The following DNAH12 variants were observed in gnomAD, a reference collection of about 807,000 sequenced individuals.
DNAH12 encodes axonemal beta dynein heavy chain 12.
DNAH12 carries 285 observed loss-of-function variants against 371.5 expected under a neutral mutation model. The observed-to-expected ratio is 0.77, with a 90% CI of 0.70 to 0.85. The LOEUF (loss-of-function observed/expected upper bound fraction) is 0.85. DNAH12 is among the 40% of genes least tolerant of loss of function. The pLI is 0.00. For missense variants in DNAH12, 3,611 were observed against 3,689.4 expected, an observed-to-expected ratio of 0.98 and a Z score of 0.55; for synonymous variants, 1,200 against 1,213.0, an observed-to-expected ratio of 0.99 and a Z score of 0.22.
chr3:57,326,416 A>C (rs1301033534), intron 62 of DNAH12, among the ~76,000 whole-genome samples: 2 of 152,194 alleles, frequency 1.3e-5, no homozygotes, highest in Non-Finnish European at 2.9e-5. Context: ...AACATTCTTA[A>C]AGAAAAGAAT....
intron 61 of DNAH12, 73 bp from the exon 62 acceptor site, chr3:57,334,682 G>C: frequency 6.6e-7 from 1 of 1,508,664 alleles, no homozygotes; most frequent in Non-Finnish European, 8.8e-7. Context: ...ACAAGGAGTA[G>C]AAACCAGACA....
At position 57,494,710 on chromosome 3, in the gene DNAH12, G is replaced by A. The variant is rs149214123; in HGVS notation, c.1336-5023C>T. Among the ~76,000 whole-genome samples the A allele has an allele frequency of 9.3e-3, 1,419 of 152,248 alleles. 24 individuals carry two copies. The highest frequency in any genetic ancestry group is 0.032 in the African/African-American group (1,342 of 41,564). On this transcript the variant is annotated intron_variant, in intron 11 of 73. Coordinates refer to ENST00000495027, the MANE Select transcript of DNAH12 (RefSeq NM_001366028.2). ...TCACTATTACACATGACATGATATT[G>A]TATACAGAAAATTCAGGGCCAAGTG...
intron 62 of DNAH12, among the ~76,000 whole-genome samples, chr3:57,333,791 T>C (rs972699524): frequency 5.9e-5 from 9 of 152,150 alleles, no homozygotes; most frequent in African/African-American, 2.2e-4. Flanking sequence ...TCATCAACAA[T>C]GTGATATTCA....
At chr3:57,483,097 T>C (rs1351836304) in intron 13 of DNAH12, among the ~76,000 whole-genome samples, 3 of 80,502 alleles carry the variant, frequency 3.7e-5, no homozygotes, top group Non-Finnish European at 7.7e-5. Flanking sequence ...CTGTGCAACA[T>C]TGAAAAAAAA....
intron 2 of DNAH12, among the ~76,000 whole-genome samples, chr3:57,532,833 C>T (rs1337343824): frequency 6.6e-6 from 1 of 152,194 alleles, no homozygotes; most frequent in Non-Finnish European, 1.5e-5. Flanking sequence ...TATCCACTAC[C>T]TGGCTACCAC....
intron 45 of DNAH12, among the ~76,000 whole-genome samples, chr3:57,387,611 G>A (rs2063522943): frequency 1.3e-5 from 2 of 152,134 alleles, no homozygotes; most frequent in African/African-American, 2.4e-5. Context: ...TTTTATTCTA[G>A]ATAGCAATAT....
intron 2 of DNAH12, 82 bp from the exon 3 acceptor site, chr3:57,523,966 AACTAT>A (rs1178483741): frequency 2.0e-6 from 2 of 983,110 alleles, no homozygotes; most frequent in Middle Eastern, 2.4e-4. Context: ...GCATTTTTCC[AACTAT>A]ACTAAGAGAT....
Position 57,531,353 on chromosome 3 carries a change from G to A in DNAH12, c.171-7469C>T, listed in dbSNP as rs148167188. ...CATTCCACTTTCTCTTGGCTTGTAA[G>A]GTTTCCACTGAAGTCTGCTGCCAGA... On this transcript the variant is annotated intron_variant, in intron 2 of 73. Coordinates refer to ENST00000495027, the MANE Select transcript of DNAH12 (RefSeq NM_001366028.2). Among the ~76,000 whole-genome samples the A allele has an allele frequency of 4.8e-4, 73 of 152,256 alleles. 2 individuals carry two copies. Among genetic ancestry groups the A allele is most frequent in the Middle Eastern group, 6.8e-3 (2 of 292 alleles).
intron 18 of DNAH12, among the ~76,000 whole-genome samples, chr3:57,462,394 G>A (rs760389937): frequency 1.3e-5 from 2 of 152,124 alleles, no homozygotes; most frequent in Admixed American, 1.3e-4. Flanking sequence ...TGGGATTACA[G>A]GCACCCACTG....
chr3:57,449,266 A>G (rs138278423), intron 25 of DNAH12, among the ~76,000 whole-genome samples: 68,434 of 151,994 alleles, frequency 0.45, 17,182 homozygotes, highest in South Asian at 0.6. Context: ...CCAGACTCAG[A>G]AGCCCGGCTG....
chr3:57,380,544 G>T (rs934528657), intron 50 of DNAH12, among the ~76,000 whole-genome samples, 177 bp from the exon 51 acceptor site: 2 of 152,070 alleles, frequency 1.3e-5, no homozygotes, highest in Admixed American at 6.6e-5. Flanking sequence ...TGCAATATCG[G>T]CTCACTGCCT....
In DNAH12 at chr3:57,413,795, C is replaced by T. The variant is rs1553683762; in HGVS notation, c.5971G>A (p.Ala1991Thr). ...CGTAATAATTCAATAGGTGGTTGAG[C>T]TCCATACTTCTCCAATGCAGGCATA... ...MNMPALEKYG[A>T]QPPIELLRQF... The change falls in exon 39 of 74, where the codon GCT (alanine) becomes ACT (threonine). Residue 1991 changes from alanine to threonine, a missense_variant. This residue lies in a region of DNAH12 where 2,266 missense variants were observed against 2,236.9 expected (regional missense o/e 1.01). Coordinates refer to ENST00000495027, the MANE Select transcript of DNAH12 (RefSeq NM_001366028.2). 1.3e-6 allele frequency: 2 copies of T among 1,551,194 alleles called. No individual in the cohort carries two copies. Among genetic ancestry groups the T allele is most frequent in the Non-Finnish European group, 1.7e-6 (2 of 1,146,762 alleles).
In DNAH12 at chr3:57,400,016, C is replaced by T. The variant is rs987925726; in HGVS notation, c.6948+3293G>A. Among the ~76,000 whole-genome samples, 10 of 152,166 alleles carry T rather than the reference C, an allele frequency of 6.6e-5. 1 individual carries two copies. The highest frequency in any genetic ancestry group is 1.3e-4 in the Non-Finnish European group (9 of 68,038). On this transcript the variant is annotated intron_variant, in intron 43 of 73. Coordinates refer to ENST00000495027, the MANE Select transcript of DNAH12 (RefSeq NM_001366028.2). ...TCAAAAGTTATATGTGGGCTAAGCA[C>T]AGTGGCTCAAGCCTGTATTCCCAGA...
chr3:57,314,543 G>T lies in DNAH12; in HGVS notation c.10613C>A (p.Pro3538Gln). ...CAAGTCAGATTCATTAAATCCATATGGAATATTCCAACCAAGAGGACCAAA... is the reference window on the plus strand; with the variant it reads ...CAAGTCAGATTCATTAAATCCATATTGAATATTCCAACCAAGAGGACCAAA... ...KKFGPLGWNI[P>Q]YGFNESDLRI... The change falls in exon 66 of 74, where the codon CCA (proline) becomes CAA (glutamine). Residue 3538 changes from proline to glutamine, a missense_variant. By Grantham distance (76) the Pro-to-Gln change is moderately conservative. Coordinates refer to ENST00000495027, the MANE Select transcript of DNAH12 (RefSeq NM_001366028.2). 2 of 1,551,150 alleles carry T rather than the reference G, an allele frequency of 1.3e-6. No homozygotes were observed. Among genetic ancestry groups the T allele is most frequent in the Non-Finnish European group, 1.7e-6 (2 of 1,146,870 alleles).
chr3:57,458,586 T>G (rs906588729), intron 20 of DNAH12, among the ~76,000 whole-genome samples: 8 of 152,214 alleles, frequency 5.3e-5, no homozygotes, highest in Non-Finnish European at 1.0e-4. Context: ...GTTGGCAAAC[T>G]ACATCCTGCA....
intron 60 of DNAH12, among the ~76,000 whole-genome samples, chr3:57,345,658 T>A (rs1186611540): frequency 6.6e-6 from 1 of 152,178 alleles, no homozygotes; most frequent in African/African-American, 2.4e-5. Flanking sequence ...GTGCCACAGT[T>A]AATTTTATGC....
At chr3:57,531,526 C>A (rs969073232) in intron 2 of DNAH12, among the ~76,000 whole-genome samples, 1 of 151,986 alleles carries the variant, frequency 6.6e-6, no homozygotes, top group Non-Finnish European at 1.5e-5. Flanking sequence ...CTTTAGGAGG[C>A]TGAGGGAGGT....
chr3:57,486,418 T>A (rs1004724717), intron 12 of DNAH12, among the ~76,000 whole-genome samples: 19 of 152,070 alleles, frequency 1.2e-4, no homozygotes, highest in African/African-American at 3.4e-4. Flanking sequence ...AAATTTTTTT[T>A]AATTTTAAGT....
intron 55 of DNAH12, among the ~76,000 whole-genome samples, chr3:57,370,530 T>TGTGCA (rs2063149025): frequency 2.0e-5 from 3 of 152,170 alleles, no homozygotes; most frequent in Non-Finnish European, 4.4e-5. Flanking sequence ...TGCACAATAT[T>TGTGCA]ATAAACAGAC....
Sources: allele counts gnomAD v4.1 joint callset (sites outside exome capture counted in the v4.1 genomes callset), GRCh38; gene constraint gnomAD v4.1.1; regional missense constraint gnomAD v4.1.1; transcripts MANE v1.5; gene names NCBI Gene and HGNC (gene_info 2026-07-23, HGNC 2026-07-21).